The following RIGI variants were observed in gnomAD, a reference collection of about 807,000 sequenced individuals.
The protein encoded by RIGI is RNA sensor RIG-I, also known as antiviral innate immune response receptor RIG-I.
chr9:32,519,622 C>T, the RIGI span, among the ~76,000 whole-genome samples: 20 of 152,054 alleles, frequency 1.3e-4, no homozygotes, highest in African/African-American at 2.9e-4. Flanking sequence ...TAAACAATAG[C>T]GGTTTCAGAT....
At chr9:32,486,810 T>C in the RIGI span, among the ~76,000 whole-genome samples, 6 of 152,192 alleles carry the variant, frequency 3.9e-5, no homozygotes, top group Admixed American at 6.5e-5. Context: ...CACTGAAAAG[T>C]TGGGATCAGG....
At chr9:32,509,838 T>C in the RIGI span, among the ~76,000 whole-genome samples, 1 of 151,694 alleles carries the variant, frequency 6.6e-6, no homozygotes, top group Non-Finnish European at 1.5e-5. Context: ...CTACAAACCT[T>C]GAAAAAAGGT....
chr9:32,491,866 T>C, the RIGI span, among the ~76,000 whole-genome samples: 5 of 152,142 alleles, frequency 3.3e-5, no homozygotes, highest in Admixed American at 2.6e-4. Context: ...AGACCAGATA[T>C]TCAGATGTTT....
At chr9:32,470,303 A>G in the RIGI span, among the ~76,000 whole-genome samples, 1 of 152,212 alleles carries the variant, frequency 6.6e-6, no homozygotes, top group East Asian at 1.9e-4. Context: ...GAAGTGGGCA[A>G]ACTTTTTCCA....
the RIGI span, among the ~76,000 whole-genome samples, chr9:32,468,463 T>A: frequency 6.6e-6 from 1 of 152,056 alleles, no homozygotes. Flanking sequence ...CCTAGGAGTT[T>A]GAAATCAGCC....
the RIGI span, among the ~76,000 whole-genome samples, chr9:32,492,863 A>G: frequency 6.6e-6 from 1 of 152,192 alleles, no homozygotes; most frequent in Non-Finnish European, 1.5e-5. Context: ...ATTGGCATAT[A>G]GCAATATTTG....
chr9:32,476,315 A>G, the RIGI span, among the ~76,000 whole-genome samples: 1 of 152,084 alleles, frequency 6.6e-6, no homozygotes, highest in East Asian at 1.9e-4. Flanking sequence ...AGGCAACATA[A>G]CAAGACCCCA....
At chr9:32,518,764 C>T in the RIGI span, among the ~76,000 whole-genome samples, 160 of 152,324 alleles carry the variant, frequency 1.1e-3, 2 homozygotes, top group African/African-American at 3.8e-3. Context: ...TGCATTGCTT[C>T]ACACTGTATT....
chr9:32,490,380 T>TAAC, the RIGI span, among the ~76,000 whole-genome samples: 760 of 151,366 alleles, frequency 5.0e-3, 5 homozygotes, highest in African/African-American at 0.017. Context: ...CAAAAAACAA[T>TAAC]AACAACAACA....
chr9:32,525,909 G>A, the RIGI span: 1 of 688,016 alleles, frequency 1.5e-6, no homozygotes, highest in Non-Finnish European at 2.6e-6. Flanking sequence ...CTCAAACTCT[G>A]GCAACCTCTA....
At chr9:32,487,697 A>G in the RIGI span, 1 of 1,571,688 alleles carries the variant, frequency 6.4e-7, no homozygotes, top group Non-Finnish European at 8.7e-7. Flanking sequence ...ACAACCCCTC[A>G]TATAACTCTT....
the RIGI span, among the ~76,000 whole-genome samples, chr9:32,524,788 A>G: frequency 6.6e-6 from 1 of 151,500 alleles, no homozygotes; most frequent in African/African-American, 2.4e-5. Flanking sequence ...TTTTCGGTAG[A>G]GACGGGGTTT....
chr9:32,525,888 T>G, the RIGI span, among the ~76,000 whole-genome samples: 1 of 152,108 alleles, frequency 6.6e-6, no homozygotes, highest in East Asian at 1.9e-4. Context: ...CACCTAGGCC[T>G]CCGAGGGCTC....
At chr9:32,492,286 G>T in the RIGI span, 7 of 1,253,164 alleles carry the variant, frequency 5.6e-6, no homozygotes, top group Admixed American at 2.3e-5. Flanking sequence ...CGTTAGAGAT[G>T]TAGCTCTGGC....
the RIGI span, among the ~76,000 whole-genome samples, chr9:32,506,992 A>C: frequency 6.6e-6 from 1 of 152,192 alleles, no homozygotes; most frequent in Non-Finnish European, 1.5e-5. Flanking sequence ...ATACTTGTTT[A>C]GATTTTCTCA....
At chr9:32,459,602 G>C in the RIGI span, 1 of 1,226,678 alleles carries the variant, frequency 8.2e-7, no homozygotes, top group African/African-American at 1.5e-5. Context: ...ACATATACAT[G>C]CACGCACATG....
At chr9:32,470,007 C>T in the RIGI span, among the ~76,000 whole-genome samples, 1 of 152,164 alleles carries the variant, frequency 6.6e-6, no homozygotes, top group Non-Finnish European at 1.5e-5. Flanking sequence ...ATTTACCATT[C>T]AAAGTCATGA....
At chr9:32,460,519 GAA>G in the RIGI span, among the ~76,000 whole-genome samples, 2 of 152,170 alleles carry the variant, frequency 1.3e-5, no homozygotes, top group African/African-American at 4.8e-5. Flanking sequence ...CCAACACTGA[GAA>G]GAGAAAGATT....
the RIGI span, chr9:32,491,459 T>A: frequency 1.3e-6 from 2 of 1,525,210 alleles, no homozygotes; most frequent in Non-Finnish European, 1.8e-6. Context: ...CTTCACATAA[T>A]CTGATTATAG....
Sources: allele counts gnomAD v4.1 joint callset (sites outside exome capture counted in the v4.1 genomes callset), GRCh38; gene constraint gnomAD v4.1.1; transcripts MANE v1.5; gene names NCBI Gene and HGNC (gene_info 2026-07-23, HGNC 2026-07-21).